SRD5A3: variants seen among roughly 807,000 people sequenced by gnomAD.
SRD5A3 encodes steroid 5 alpha-reductase 3.
Under a neutral mutation model 34.3 loss-of-function variants are expected in SRD5A3, and 24 were observed. The ratio of observed to expected loss-of-function variants is 0.70; its 90% CI spans 0.51 to 0.99. The LOEUF (loss-of-function observed/expected upper bound fraction) is 0.99, where lower values mean the gene tolerates loss of function less well. SRD5A3 is among the 50% of genes least tolerant of loss of function. SRD5A3 has a pLI of 0.00. For missense variants in SRD5A3, 350 were observed against 388.2 expected, an observed-to-expected ratio of 0.90 and a Z score of 0.83; for synonymous variants, 161 against 167.3, an observed-to-expected ratio of 0.96 and a Z score of 0.29.
chr4:55,353,353 G>A (rs951483888), intron 1 of SRD5A3, among the ~76,000 whole-genome samples: 3 of 152,066 alleles, frequency 2.0e-5, no homozygotes, highest in African/African-American at 7.2e-5. Flanking sequence ...ACCAATCAGC[G>A]CTCTGTGTCT....
At position 55,369,969 on chromosome 4, in the gene SRD5A3, C is replaced by T. The variant is rs748009134; in HGVS notation, c.835C>T (p.Leu279=). Residue 279 remains leucine, a synonymous_variant, in exon 5 of 5, where the codon CTA becomes TTA. Transcript: ENST00000264228. The part of the protein sequence containing the change: ...TFGFHNLTWW[L]VVTNVFFNQA... ...TGGGTTCCACAACTTAACTTGGTGG[C>T]TAGTGGTGACAAATGTCTTCTTTAA... 4 of 1,614,184 alleles carry T rather than the reference C, an allele frequency of 2.5e-6. No homozygotes were observed. Among genetic ancestry groups the T allele is most frequent in the Admixed American group, 1.7e-5 (1 of 60,022 alleles).
Position 55,367,620 on chromosome 4 carries a change from G to A in SRD5A3, c.595G>A (p.Ala199Thr), listed in dbSNP as rs773379586. Residue 199 changes from alanine to threonine, a missense_variant, in exon 4 of 5, where the codon GCA becomes ACA. Ala to Thr is a moderately conservative substitution (Grantham distance 58, BLOSUM62 0). Coordinates refer to ENST00000264228, the MANE Select transcript of SRD5A3 (RefSeq NM_024592.5). ...AACAGGGAAAAATCTATTGATGCAA[G>A]CACGGTGGTTCCATATTCTTGGGAT... ...YITGKNLLMQ[A>T]RWFHILGMMM... 1 of 1,614,102 alleles carries A rather than the reference G, an allele frequency of 6.2e-7. No individual in the cohort carries two copies. The highest frequency in any genetic ancestry group is 2.2e-5 in the East Asian group (1 of 44,872).
intron 1 of SRD5A3, among the ~76,000 whole-genome samples, chr4:55,351,649 C>G (rs1206260033): frequency 6.6e-6 from 1 of 151,212 alleles, no homozygotes; most frequent in Non-Finnish European, 1.5e-5. Context: ...AACAGCGAAA[C>G]TTCATCTCAA....
At chr4:55,367,947 G>C (rs75810451) in intron 4 of SRD5A3, among the ~76,000 whole-genome samples, 1 of 152,082 alleles carries the variant, frequency 6.6e-6, no homozygotes, top group African/African-American at 2.4e-5. Flanking sequence ...GTGATTCTAC[G>C]TTTTGTGTCT....
chr4:55,372,950 C>A lies in SRD5A3; in HGVS notation c.*2859C>A, dbSNP rs1353228277. Reference sequence around the variant, plus strand: ...AGAATTCCTACAAAAAAAAAAAAAACCGTTGCAGATATTTTTGTATGTAGC... The same window carrying A: ...AGAATTCCTACAAAAAAAAAAAAAAACGTTGCAGATATTTTTGTATGTAGC... On this transcript the variant is annotated 3_prime_UTR_variant, in exon 5 of 5. Coordinates refer to ENST00000264228, the MANE Select transcript of SRD5A3 (RefSeq NM_024592.5). The A allele has an allele frequency of 2.0e-5, 3 of 148,892 alleles. No individual in the cohort carries two copies. In the East Asian group the frequency reaches 5.9e-4, roughly 29 times the overall value. 9.2% of individuals were successfully genotyped at this position (148,892 alleles called of 1,614,324 possible).
chr4:55,346,431 T>G lies in SRD5A3; in HGVS notation c.95T>G (p.Leu32Arg), dbSNP rs746016768. Residue 32 changes from leucine to arginine, a missense_variant, in exon 1 of 5, where the codon CTG becomes CGG. Leu to Arg is a moderately radical substitution (Grantham distance 102). Transcript: ENST00000264228. The part of the protein sequence containing the change: ...LTAAFLLTLL[L>R]QLLPPGLLPG... ...GCCGCCTTCCTGCTGACCCTACTGC[T>G]GCAGCTCCTGCCGCCCGGCCTGCTC... The G allele has an allele frequency of 2.5e-6, 4 of 1,604,734 alleles. No individual in the cohort carries two copies. The South Asian group carries it at 4.5e-5, about 18-fold the overall frequency.
chr4:55,357,999 C>G (rs576671924), intron 1 of SRD5A3, among the ~76,000 whole-genome samples: 3 of 152,172 alleles, frequency 2.0e-5, no homozygotes, highest in Non-Finnish European at 1.5e-5. Flanking sequence ...CTCTTACAAG[C>G]ACATTCTGGA....
chr4:55,351,923 C>T, intron 1 of SRD5A3: 1 of 697,578 alleles, frequency 1.4e-6, no homozygotes, highest in Non-Finnish European at 2.7e-6. Flanking sequence ...TTTTAAGGTC[C>T]TGGTCAACTG....
chr4:55,362,325 A>G (rs1198226632), intron 2 of SRD5A3, among the ~76,000 whole-genome samples: 1 of 151,260 alleles, frequency 6.6e-6, no homozygotes, highest in Non-Finnish European at 1.5e-5. Flanking sequence ...ACAGGGTTTC[A>G]CTCTGTTGGC....
chr4:55,346,570 C>A lies in SRD5A3; in HGVS notation c.221+13C>A, dbSNP rs545766107. 3 of 1,565,346 alleles carry A rather than the reference C, an allele frequency of 1.9e-6. 1 individual carries two copies. In the South Asian group the frequency reaches 3.5e-5, roughly 18 times the overall value. On this transcript the variant is annotated intron_variant, in intron 1 of 4. Coordinates refer to ENST00000264228, the MANE Select transcript of SRD5A3 (RefSeq NM_024592.5). ...ATGTCCCCAAGAGGTAACCGCGCCC[C>A]GGTCCCGAGCCGCGGTGGTCAAGGC...
chr4:55,366,896 C>G (rs1011584996), intron 3 of SRD5A3: 2 of 152,548 alleles, frequency 1.3e-5, no homozygotes, highest in African/African-American at 2.4e-5. Flanking sequence ...TCCTAGCAGC[C>G]GGAGAAGAAA....
At chr4:55,366,102 A>G (rs530875045) in intron 3 of SRD5A3, among the ~76,000 whole-genome samples, 2 of 152,228 alleles carry the variant, frequency 1.3e-5, no homozygotes, top group Non-Finnish European at 2.9e-5. Flanking sequence ...TCCTTAAGTA[A>G]CTAATGAATA....
intron 3 of SRD5A3, chr4:55,366,943 A>G (rs1187435765): frequency 6.5e-6 from 1 of 152,792 alleles, no homozygotes; most frequent in Admixed American, 6.5e-5. Context: ...CACTCCTGAA[A>G]CTCAGTCTCT....
Position 55,346,518 on chromosome 4 carries a change from C to A in SRD5A3, c.182C>A (p.Ser61Ter), listed in dbSNP as rs756238927. ...GGGAAAACCAAGTGTGGGGAGCCGT[C>A]GCGCCCCGCCGCCTGCCGAGCCTTT... The part of the protein sequence containing the change: ...RYGKTKCGEP[S>*]RPAACRAFDV... Residue 61 changes from serine (S) to a stop codon, truncating the protein, a stop_gained, in exon 1 of 5, where the codon TCG becomes TAG. Transcript: ENST00000264228. LOFTEE classifies it high-confidence loss of function. The A allele has an allele frequency of 1.3e-6, 2 of 1,597,864 alleles. No homozygotes were observed. Among genetic ancestry groups the A allele is most frequent in the Non-Finnish European group, 1.7e-6 (2 of 1,173,508 alleles).
At chr4:55,366,591 G>A (rs1180027723) in intron 3 of SRD5A3, 1 of 152,226 alleles carries the variant, frequency 6.6e-6, no homozygotes, top group African/African-American at 2.4e-5. Flanking sequence ...AACTGACACA[G>A]GTAGACCGGT....
chr4:55,362,842 CTTTTT>C (rs757066208), intron 2 of SRD5A3, among the ~76,000 whole-genome samples: 2 of 127,968 alleles, frequency 1.6e-5, no homozygotes, highest in Non-Finnish European at 1.7e-5. Flanking sequence ...GTGTGTGAGA[CTTTTT>C]TTTTTTTTTT....
intron 3 of SRD5A3, 37 bp downstream of exon 3, chr4:55,364,308 C>T (rs775872968): frequency 6.2e-7 from 1 of 1,609,288 alleles, no homozygotes; most frequent in Admixed American, 1.7e-5. Context: ...CTCCCCACCC[C>T]AGGGTGTATG....
At chr4:55,362,277 G>A (rs147820794) in intron 2 of SRD5A3, among the ~76,000 whole-genome samples, 24,175 of 151,506 alleles carry the variant, frequency 0.16, 2,176 homozygotes, top group Non-Finnish European at 0.2. Context: ...ACAGGCATGC[G>A]CCACCATGCC....
At chr4:55,349,628 GT>G (rs1388208527) in intron 1 of SRD5A3, among the ~76,000 whole-genome samples, 1 of 151,902 alleles carries the variant, frequency 6.6e-6, no homozygotes, top group Non-Finnish European at 1.5e-5. Context: ...GAATAAACAG[GT>G]GACCTCGAAC....
Sources: gnomAD v4.1 joint callset for allele counts (sites outside exome capture counted in the v4.1 genomes callset) on GRCh38, gnomAD v4.1.1 for gene constraint, MANE v1.5 for transcripts, NCBI Gene and HGNC (gene_info 2026-07-23, HGNC 2026-07-21) for gene names.